The following INSR variants were observed in gnomAD, a reference collection of about 807,000 sequenced individuals.
The protein encoded by INSR is IR.
A neutral mutation model predicts 142.6 loss-of-function variants in INSR; 67 were observed. The ratio of observed to expected loss-of-function variants is 0.47; its 90% CI spans 0.39 to 0.58. INSR has a LOEUF of 0.58. INSR is among the 20% of genes least tolerant of loss of function. The pLI, the probability that INSR is intolerant of heterozygous loss-of-function variation, is 0.00. For missense variants in INSR, 1,248 were observed against 1,833.2 expected, an observed-to-expected ratio of 0.68 and a Z score of 5.83; for synonymous variants, 756 against 743.1, an observed-to-expected ratio of 1.02 and a Z score of -0.28.
intron 2 of INSR, among the ~76,000 whole-genome samples, chr19:7,263,923 A>G (rs1219044119): frequency 1.3e-5 from 2 of 152,096 alleles, no homozygotes; most frequent in Non-Finnish European, 2.9e-5. Context: ...TAATCCCAGC[A>G]CTTTGGGAGG....
intron 19 of INSR, 24 bp from the exon 20 acceptor site, chr19:7,120,773 G>A (rs752858033): frequency 2.2e-5 from 35 of 1,612,044 alleles, no homozygotes; most frequent in Middle Eastern, 1.6e-4. Context: ...AGGTTCACAC[G>A]CTCTTAACCT....
intron 2 of INSR, among the ~76,000 whole-genome samples, chr19:7,264,432 A>G (rs749848088): frequency 2.6e-5 from 4 of 152,250 alleles, no homozygotes; most frequent in African/African-American, 4.8e-5. Context: ...TATTTTGTCT[A>G]AAACAGATAC....
At chr19:7,117,967 C>T (rs907280934) in intron 21 of INSR, among the ~76,000 whole-genome samples, 14 of 150,342 alleles carry the variant, frequency 9.3e-5, no homozygotes, top group South Asian at 2.2e-4. Context: ...AGTGCAGTGG[C>T]GCAATCATAG....
intron 2 of INSR, among the ~76,000 whole-genome samples, chr19:7,240,373 G>A (rs1306257101): frequency 3.3e-5 from 5 of 151,658 alleles, no homozygotes; most frequent in East Asian, 1.9e-4. Flanking sequence ...ACCTGAAGTC[G>A]GGAGTTTGAG....
intron 2 of INSR, among the ~76,000 whole-genome samples, chr19:7,230,850 A>C (rs1407830467): frequency 3.3e-5 from 5 of 151,680 alleles, no homozygotes; most frequent in African/African-American, 4.8e-5. Context: ...GGCCTCCTCT[A>C]GGAGAGATTA....
At chr19:7,260,926 C>T (rs1600104329) in intron 2 of INSR, among the ~76,000 whole-genome samples, 2 of 150,982 alleles carry the variant, frequency 1.3e-5, no homozygotes, top group Non-Finnish European at 2.9e-5. Flanking sequence ...CTCACTCTGT[C>T]GCCCAGGCTG....
chr19:7,283,953 T>C (rs997012426), intron 1 of INSR, among the ~76,000 whole-genome samples: 1 of 152,208 alleles, frequency 6.6e-6, no homozygotes, highest in African/African-American at 2.4e-5. Flanking sequence ...TGAATCTATA[T>C]TGTTGATTCA....
rs1340174912 is a variant in INSR, at chr19:7,150,745, A to AT, written c.2232-214dup. Among the ~76,000 whole-genome samples, 2 of 152,052 alleles carry AT rather than the reference A, an allele frequency of 1.3e-5. No individual in the cohort carries two copies. The highest frequency in any genetic ancestry group is 2.9e-5 in the Non-Finnish European group (2 of 67,994). On this transcript the variant is annotated intron_variant, in intron 10 of 21. Transcript: ENST00000302850. The surrounding 1 kb of genome is among the most constrained non-coding windows in gnomAD (Gnocchi z 4.2). Reference sequence around the variant, plus strand: ...AGGGAAGGGGAAGAAATCAGAGAAAATTCTCCCCAGAGACGGCCTGCTGAG... The same window carrying AT: ...AGGGAAGGGGAAGAAATCAGAGAAAATTTCTCCCCAGAGACGGCCTGCTGAG...
chr19:7,260,856 G>A (rs915661404), intron 2 of INSR, among the ~76,000 whole-genome samples: 26 of 151,146 alleles, frequency 1.7e-4, no homozygotes, highest in African/African-American at 5.1e-4. Flanking sequence ...ACTGGAAGCC[G>A]GTGCTGCTTG....
chr19:7,202,479 GT>G (rs1162393566), intron 2 of INSR, among the ~76,000 whole-genome samples: 3 of 151,986 alleles, frequency 2.0e-5, no homozygotes, highest in East Asian at 1.9e-4. Flanking sequence ...GGGGTTGGTT[GT>G]TTTTTTGTTT....
chr19:7,251,206 C>T (rs944748145), intron 2 of INSR, among the ~76,000 whole-genome samples: 1 of 151,104 alleles, frequency 6.6e-6, no homozygotes, highest in African/African-American at 2.4e-5. Context: ...CAAAAAAAAT[C>T]ACCCTCAGTT....
chr19:7,274,640 A>T (rs1968012090), intron 1 of INSR, among the ~76,000 whole-genome samples: 1 of 151,576 alleles, frequency 6.6e-6, no homozygotes, highest in South Asian at 2.1e-4. Context: ...CTCTACTAAA[A>T]ATACAAAAAA....
chr19:7,264,037 C>T (rs1365601219), intron 2 of INSR, among the ~76,000 whole-genome samples: 3 of 152,046 alleles, frequency 2.0e-5, no homozygotes, highest in South Asian at 2.1e-4. Context: ...GGTGTGGTGG[C>T]GCATGCCTGT....
At chr19:7,289,714 T>C (rs1328843594) in intron 1 of INSR, among the ~76,000 whole-genome samples, 2 of 152,072 alleles carry the variant, frequency 1.3e-5, no homozygotes, top group African/African-American at 2.4e-5. Flanking sequence ...CCGAGGATTA[T>C]TGAACAAAGA....
chr19:7,190,043 A>T (rs1369556893), intron 2 of INSR, among the ~76,000 whole-genome samples: 1 of 151,986 alleles, frequency 6.6e-6, no homozygotes, highest in African/African-American at 2.4e-5. Flanking sequence ...AATTATTTTC[A>T]TCTCAGAGAA....
At chr19:7,152,957 A>C in intron 9 of INSR, 30 bp from the exon 10 acceptor site, 9 of 1,560,180 alleles carry the variant, frequency 5.8e-6, no homozygotes, top group African/African-American at 1.4e-5. Context: ...AGGGGGGCTC[A>C]AGTCTCTGCG....
At chr19:7,158,925 G>A (rs375143361) in intron 9 of INSR, among the ~76,000 whole-genome samples, 1 of 148,852 alleles carries the variant, frequency 6.7e-6, no homozygotes, top group East Asian at 2.1e-4. Context: ...TTTGTTTTTG[G>A]TGGAGTCTTG....
At position 7,168,771 on chromosome 19, in the gene INSR, AT is replaced by A. The variant is rs68031453; in HGVS notation, c.1484-678del. On this transcript the variant is annotated intron_variant, in intron 6 of 21. Coordinates refer to ENST00000302850, the MANE Select transcript of INSR (RefSeq NM_000208.4). The surrounding 1 kb of genome is among the most constrained non-coding windows in gnomAD (Gnocchi z 4.3). ...ACCACCACGTCCAGCTAGTTTTTGTATTTTTTTTTTTTAGTAGAGATGGAGT... is the reference window on the plus strand; with the variant it reads ...ACCACCACGTCCAGCTAGTTTTTGTATTTTTTTTTTTAGTAGAGATGGAGT... Among the ~76,000 whole-genome samples the A allele has an allele frequency of 8.1e-3, 1,186 of 146,460 alleles. 6 individuals carry two copies. The highest frequency in any genetic ancestry group is 0.024 in the African/African-American group (982 of 40,338).
chr19:7,149,896 G>C (rs1973284358), intron 11 of INSR, among the ~76,000 whole-genome samples: 1 of 135,770 alleles, frequency 7.4e-6, no homozygotes. Flanking sequence ...ATAAAGAAAA[G>C]AAAAGAAAGA....
Sources: allele counts gnomAD v4.1 joint callset (sites outside exome capture counted in the v4.1 genomes callset), GRCh38; gene constraint gnomAD v4.1.1; non-coding constraint Gnocchi (gnomAD v3.1); transcripts MANE v1.5; gene names NCBI Gene and HGNC (gene_info 2026-07-23, HGNC 2026-07-21).